Variants in CSMD3 observed in about 807,000 individuals in gnomAD.
CSMD3 encodes the protein CUB and sushi domain-containing protein 3.
A neutral mutation model predicts 435.2 loss-of-function variants in CSMD3; 177 were observed. The ratio of observed to expected loss-of-function variants is 0.41; its 90% CI spans 0.36 to 0.46. CSMD3 has a LOEUF of 0.46. Ranked by LOEUF, CSMD3 falls within the 20% of genes least tolerant of loss-of-function variation. The probability of loss-of-function intolerance (pLI) is 0.34; values close to 1 mark genes in which losing one functional copy is unlikely to be tolerated. For missense variants in CSMD3, 4,265 were observed against 4,504.6 expected, an observed-to-expected ratio of 0.95 and a Z score of 1.52; for synonymous variants, 1,656 against 1,520.5, an observed-to-expected ratio of 1.09 and a Z score of -2.07.
intron 1 of CSMD3, among the ~76,000 whole-genome samples, chr8:113,431,220 C>T (rs767305079): frequency 1.3e-4 from 20 of 152,180 alleles, no homozygotes; most frequent in Non-Finnish European, 2.8e-4. Flanking sequence ...CATTCTCATA[C>T]TCATCCAAAG....
In CSMD3 at chr8:112,975,803, A is replaced by C. The variant is rs761132563; in HGVS notation, c.1342+34T>G. 9 of 1,611,684 alleles carry C rather than the reference A, an allele frequency of 5.6e-6. No individual in the cohort carries two copies. In the Admixed American group the frequency reaches 1.5e-4, roughly 27 times the overall value. ...TTACCAAAATATAGCTTTGGCTGTA[A>C]CTAAATGGGCACAAGTAAAATAACA... On this transcript the variant is annotated intron_variant, in intron 7 of 70. Coordinates refer to ENST00000297405, the MANE Select transcript of CSMD3 (RefSeq NM_198123.2).
chr8:112,640,485 A>G (rs1322190879), intron 20 of CSMD3, among the ~76,000 whole-genome samples: 3 of 152,188 alleles, frequency 2.0e-5, no homozygotes, highest in African/African-American at 7.2e-5. Context: ...ACAAACATTA[A>G]CACAACAAGG....
chr8:113,392,285 C>T (rs1248015125), intron 1 of CSMD3, among the ~76,000 whole-genome samples: 3 of 151,994 alleles, frequency 2.0e-5, no homozygotes, highest in South Asian at 2.1e-4. Flanking sequence ...TGTGCTGATG[C>T]ATTTCCCCTC....
chr8:112,385,583 A>G (rs1054503999), intron 36 of CSMD3, among the ~76,000 whole-genome samples: 1 of 152,206 alleles, frequency 6.6e-6, no homozygotes, highest in African/African-American at 2.4e-5. Flanking sequence ...TATTTCAGTA[A>G]TATTTCAATA....
intron 12 of CSMD3, among the ~76,000 whole-genome samples, chr8:112,814,558 G>GGATC (rs2079319289): frequency 6.6e-6 from 1 of 152,072 alleles, no homozygotes; most frequent in Non-Finnish European, 1.5e-5. Context: ...CGAGGTGAGT[G>GGATC]GATCACCTGA....
chr8:112,685,989 A>G (rs2076002445), intron 14 of CSMD3, among the ~76,000 whole-genome samples: 1 of 152,174 alleles, frequency 6.6e-6, no homozygotes, highest in South Asian at 2.1e-4. Flanking sequence ...TTTGACATAT[A>G]TCTTGTTTAT....
chr8:112,716,872 T>C (rs2076742980), intron 13 of CSMD3, among the ~76,000 whole-genome samples: 2 of 152,176 alleles, frequency 1.3e-5, no homozygotes, highest in Admixed American at 6.5e-5. Context: ...TGGCTAGCCA[T>C]ATGCAGAAAA....
chr8:112,956,704 G>A (rs2084032188), intron 7 of CSMD3, among the ~76,000 whole-genome samples: 1 of 152,006 alleles, frequency 6.6e-6, no homozygotes, highest in African/African-American at 2.4e-5. Context: ...TAATATTGGG[G>A]GGCAGTGGCA....
intron 13 of CSMD3, among the ~76,000 whole-genome samples, chr8:112,750,895 T>C (rs1208982336): frequency 1.3e-5 from 2 of 151,984 alleles, no homozygotes; most frequent in African/African-American, 2.4e-5. Context: ...CAAATGCAGA[T>C]TGAAAATACA....
At position 112,658,827 on chromosome 8, in the gene CSMD3, C is replaced by T. The variant is rs146422834; in HGVS notation, c.2817-2486G>A. ...ACCAAAATTAGCAAGGCGTGGTTGG[C>T]GTCTGTAATCCTAGCTACTCGGGAG... On this transcript the variant is annotated intron_variant, in intron 17 of 70. Transcript: ENST00000297405. 5.6e-3 allele frequency among the ~76,000 whole-genome samples: 859 copies of T among 152,064 alleles called. 13 individuals are homozygous for T. Among genetic ancestry groups the T allele is most frequent in the African/African-American group, 0.02 (821 of 41,478 alleles).
At chr8:112,382,460 C>A (rs1829561064) in intron 37 of CSMD3, among the ~76,000 whole-genome samples, 1 of 151,992 alleles carries the variant, frequency 6.6e-6, no homozygotes, top group Admixed American at 6.6e-5. Flanking sequence ...TTCTTTTCCT[C>A]ATTGGTGATG....
intron 13 of CSMD3, among the ~76,000 whole-genome samples, chr8:112,755,064 G>A (rs2077657914): frequency 6.6e-6 from 1 of 152,260 alleles, no homozygotes; most frequent in East Asian, 1.9e-4. Flanking sequence ...AGGCGAGGTG[G>A]CTCACGCCTG....
chr8:112,311,123 A>G lies in CSMD3; in HGVS notation c.7740T>C (p.Ile2580=), dbSNP rs1422313128. ...TAAGCTGCCCACCTGTCTGACTGAT[A>G]ATATATCCATGAGGTGGGGATTCTG... ...STPESPPHGY[I]ISQTGGQLNS... is the part of the protein sequence containing the mutation. The change falls in exon 50 of 71, where the codon ATT becomes ATC. Residue 2580 remains isoleucine, a synonymous_variant. Coordinates refer to ENST00000297405, the MANE Select transcript of CSMD3 (RefSeq NM_198123.2). 5 of 1,614,068 alleles carry G rather than the reference A, an allele frequency of 3.1e-6. No homozygotes were observed. The highest frequency in any genetic ancestry group is 4.2e-6 in the Non-Finnish European group (5 of 1,179,954).
intron 13 of CSMD3, among the ~76,000 whole-genome samples, chr8:112,794,452 G>A (rs1051617995): frequency 2.0e-5 from 3 of 151,592 alleles, no homozygotes; most frequent in South Asian, 2.1e-4. Context: ...GCACCACCAC[G>A]CCCTGCTAAT....
At chr8:113,422,840 T>C (rs1046374508) in intron 1 of CSMD3, among the ~76,000 whole-genome samples, 4 of 152,098 alleles carry the variant, frequency 2.6e-5, no homozygotes, top group Non-Finnish European at 5.9e-5. Flanking sequence ...GATAACATTG[T>C]ATTTAGGTAT....
At chr8:112,606,470 C>T (rs1832801760) in intron 22 of CSMD3, among the ~76,000 whole-genome samples, 1 of 152,132 alleles carries the variant, frequency 6.6e-6, no homozygotes, top group Non-Finnish European at 1.5e-5. Context: ...GGATGCTTTG[C>T]CTCCAGAACC....
chr8:113,205,071 C>T (rs2092756238), intron 3 of CSMD3, among the ~76,000 whole-genome samples: 1 of 151,936 alleles, frequency 6.6e-6, no homozygotes, highest in Non-Finnish European at 1.5e-5. Context: ...GCAACCTCCA[C>T]CTCTCGGGTT....
intron 3 of CSMD3, among the ~76,000 whole-genome samples, chr8:113,230,235 T>C (rs1191749374): frequency 6.6e-6 from 1 of 151,708 alleles, no homozygotes; most frequent in Non-Finnish European, 1.5e-5. Flanking sequence ...AGGTGCTGGA[T>C]AGACAACATA....
intron 30 of CSMD3, 24 bp from the exon 31 acceptor site, chr8:112,492,707 AT>A (rs1820821192): frequency 6.3e-7 from 1 of 1,594,736 alleles, no homozygotes; most frequent in Admixed American, 1.7e-5. Context: ...TTAGTATAAC[AT>A]TAATTGCTTT....
Sources: gnomAD v4.1 joint callset for allele counts (sites outside exome capture counted in the v4.1 genomes callset) on GRCh38, gnomAD v4.1.1 for gene constraint, MANE v1.5 for transcripts, NCBI Gene and HGNC (gene_info 2026-07-23, HGNC 2026-07-21) for gene names.